The following EPB41L2 variants were observed in gnomAD, a reference collection of about 807,000 sequenced individuals.
EPB41L2 encodes band 4.1-like protein 2.
A neutral mutation model predicts 113.0 loss-of-function variants in EPB41L2; 43 were observed. The observed-to-expected ratio is 0.38, with a 90% CI of 0.30 to 0.49. The LOEUF (loss-of-function observed/expected upper bound fraction) is 0.49. Among genes scored for constraint, EPB41L2 ranks in the 20% least tolerant of loss-of-function variants. The probability of loss-of-function intolerance (pLI) is 0.95; values close to 1 mark genes in which losing one functional copy is unlikely to be tolerated. For missense variants in EPB41L2, 1,147 were observed against 1,223.4 expected (o/e 0.94, Z 0.93); for synonymous variants, 442 against 436.7 (o/e 1.01, Z -0.15).
intron 11 of EPB41L2, among the ~76,000 whole-genome samples, chr6:130,887,221 A>G (rs1791318539): frequency 6.6e-6 from 1 of 152,194 alleles, no homozygotes; most frequent in African/African-American, 2.4e-5. Flanking sequence ...TGTATTTTGA[A>G]GCCGATACAT....
At chr6:130,925,190 CT>C (rs398048854) in intron 4 of EPB41L2, among the ~76,000 whole-genome samples, 134 of 130,396 alleles carry the variant, frequency 1.0e-3, no homozygotes, top group Non-Finnish European at 1.0e-3. Context: ...GATTTCTTTT[CT>C]TTTTTTTTTT....
At chr6:130,847,558 T>A (rs1364920948) in intron 19 of EPB41L2, among the ~76,000 whole-genome samples, 1 of 152,178 alleles carries the variant, frequency 6.6e-6, no homozygotes, top group South Asian at 2.1e-4. Context: ...GCATTATATC[T>A]TTAGGAAGAA....
At chr6:130,931,794 G>A (rs778819121) in intron 3 of EPB41L2, among the ~76,000 whole-genome samples, 3 of 152,004 alleles carry the variant, frequency 2.0e-5, no homozygotes, top group Admixed American at 6.6e-5. Flanking sequence ...CCTTTCCCCC[G>A]AGATTCTGGT....
At chr6:130,909,966 T>C (rs1019375674) in intron 4 of EPB41L2, among the ~76,000 whole-genome samples, 2 of 152,202 alleles carry the variant, frequency 1.3e-5, no homozygotes, top group South Asian at 2.1e-4. Context: ...AAATAATTTA[T>C]AGATTCAATG....
At chr6:130,935,525 G>T (rs1043091918) in intron 3 of EPB41L2, among the ~76,000 whole-genome samples, 3 of 152,104 alleles carry the variant, frequency 2.0e-5, no homozygotes, top group Admixed American at 1.3e-4. Context: ...TCATTTTTAT[G>T]CTATGTGGAA....
chr6:131,057,004 G>C (rs117329674), intron 1 of EPB41L2, among the ~76,000 whole-genome samples: 4,492 of 152,072 alleles, frequency 0.03, 96 homozygotes, highest in Non-Finnish European at 0.048. Context: ...CAATTGAATG[G>C]AAAGAAGTAC....
At chr6:130,872,223 TTCAG>T (rs1288346260) in intron 14 of EPB41L2, 35 of 559,678 alleles carry the variant, frequency 6.3e-5, no homozygotes, top group Non-Finnish European at 8.4e-5. Context: ...CATGTTCCAA[TTCAG>T]TCATTGTTTC....
In EPB41L2 at chr6:130,840,217, T is replaced by C. The variant is rs958441770; in HGVS notation, c.*387A>G. 2 of 152,620 alleles carry C rather than the reference T, an allele frequency of 1.3e-5. No individual in the cohort carries two copies. Among genetic ancestry groups the C allele is most frequent in the Non-Finnish European group, 2.9e-5 (2 of 68,040 alleles). 9.5% of individuals were successfully genotyped at this position (152,620 alleles called of 1,614,324 possible). On this transcript the variant is annotated 3_prime_UTR_variant, in exon 20 of 20. Transcript: ENST00000337057. The stretch of plus-strand genomic sequence containing the variant: ...TTTCCTTTCTGCGCAACAGCACCTG[T>C]TCAAGTGAACAGCACCTTACCAGCT...
intron 4 of EPB41L2, among the ~76,000 whole-genome samples, chr6:130,914,066 T>C (rs1376694241): frequency 9.2e-5 from 14 of 152,228 alleles, no homozygotes; most frequent in East Asian, 7.7e-4. Context: ...AGTAAAATTC[T>C]GGTTTTCTAT....
intron 4 of EPB41L2, among the ~76,000 whole-genome samples, chr6:130,910,216 A>G (rs979647706): frequency 8.5e-5 from 13 of 152,224 alleles, no homozygotes; most frequent in African/African-American, 2.9e-4. Context: ...TGCCTCAGAA[A>G]TAACACCACA....
chr6:130,858,125 T>A lies in EPB41L2; in HGVS notation c.*5+6A>T. The A allele has an allele frequency of 6.2e-7, 1 of 1,609,222 alleles. No individual in the cohort carries two copies. Among genetic ancestry groups the A allele is most frequent in the Non-Finnish European group, 8.5e-7 (1 of 1,175,710 alleles). On this transcript the variant is annotated splice_donor_region_variant and intron_variant, in intron 19 of 19. Transcript: ENST00000337057. ...GAAAGGCCACAGACAATGAGGGCTC[T>A]CTTACCTTACTTAATCTTCCCCTTC...
chr6:130,956,322 C>T lies in EPB41L2; in HGVS notation c.164G>A (p.Ser55Asn). The change falls in exon 2 of 20, where the codon AGC becomes AAC. Residue 55 changes from serine to asparagine, a missense_variant. Ser to Asn is a conservative substitution (Grantham distance 46, BLOSUM62 1). Transcript: ENST00000337057. ...KGSQPPPAAE[S>N]QSSLRRQKRE... ...CTTCTGGCGGCGTAGACTACTTTGG[C>T]TTTCAGCTGCAGGAGGTGGCTGGGA... 1 of 1,614,142 alleles carries T rather than the reference C, an allele frequency of 6.2e-7. No homozygotes were observed. Among genetic ancestry groups the T allele is most frequent in the Non-Finnish European group, 8.5e-7 (1 of 1,180,026 alleles).
chr6:131,008,600 G>C (rs1786164918), intron 1 of EPB41L2, among the ~76,000 whole-genome samples: 1 of 152,218 alleles, frequency 6.6e-6, no homozygotes. Context: ...CTTGTCCCTG[G>C]AAAAGCCACA....
chr6:130,979,713 T>C (rs1479111161), intron 1 of EPB41L2, among the ~76,000 whole-genome samples: 5 of 152,136 alleles, frequency 3.3e-5, no homozygotes, highest in Non-Finnish European at 7.3e-5. Context: ...ACCATGAAGT[T>C]AGAAAGAGAC....
rs994867674 is a variant in EPB41L2 at position 130,874,121 on chromosome 6, T to G, written c.2043+3983A>C. On this transcript the variant is annotated intron_variant, in intron 14 of 19. Coordinates refer to ENST00000337057, the MANE Select transcript of EPB41L2 (RefSeq NM_001431.4). ...CAGGAGAGAATAGTCTATGCAAATT[T>G]AAGTCATCATAATTCATACAACACG... Among the ~76,000 whole-genome samples the G allele has an allele frequency of 2.0e-5, 3 of 152,334 alleles. No homozygotes were observed. The East Asian group carries it at 5.8e-4, about 29-fold the overall frequency.
At chr6:130,980,183 G>A (rs1779078398) in intron 1 of EPB41L2, among the ~76,000 whole-genome samples, 1 of 152,084 alleles carries the variant, frequency 6.6e-6, no homozygotes, top group South Asian at 2.1e-4. Context: ...AAAATCTAAT[G>A]GCTACAGATA....
At chr6:130,844,998 T>C (rs1428555730) in intron 19 of EPB41L2, among the ~76,000 whole-genome samples, 1 of 152,192 alleles carries the variant, frequency 6.6e-6, no homozygotes, top group Non-Finnish European at 1.5e-5. Flanking sequence ...GCTGAGATCA[T>C]GCCACTGCAC....
intron 1 of EPB41L2, among the ~76,000 whole-genome samples, chr6:130,990,392 A>C (rs1781545008): frequency 6.6e-6 from 1 of 152,202 alleles, no homozygotes; most frequent in Non-Finnish European, 1.5e-5. Flanking sequence ...AGCCTGTAAA[A>C]GAGAAAAAGA....
chr6:130,908,695 T>C (rs957017911), intron 5 of EPB41L2, 126 bp downstream of exon 5: 2 of 605,948 alleles, frequency 3.3e-6, no homozygotes, highest in African/African-American at 3.7e-5. Flanking sequence ...AAAATATTAT[T>C]AGTATTATTA....
Sources: allele counts gnomAD v4.1 joint callset (sites outside exome capture counted in the v4.1 genomes callset), GRCh38; gene constraint gnomAD v4.1.1; transcripts MANE v1.5; gene names NCBI Gene and HGNC (gene_info 2026-07-23, HGNC 2026-07-21).